The following SLCO1B1 variants were observed in gnomAD, a reference collection of about 807,000 sequenced individuals.
SLCO1B1 encodes solute carrier organic anion transporter family member 1B1.
A neutral mutation model predicts 70.1 loss-of-function variants in SLCO1B1; 81 were observed. That is an observed-to-expected ratio of 1.16 (90% CI 0.97 to 1.39). The LOEUF is 1.39. SLCO1B1 is among the 40% of genes most tolerant of loss of function. SLCO1B1 has a pLI of 0.00. For missense variants in SLCO1B1, 895 were observed against 799.6 expected (o/e 1.12, Z -1.44); for synonymous variants, 283 against 271.5 (o/e 1.04, Z -0.42).
chr12:21,208,951 A>G (rs1941245719), intron 11 of SLCO1B1, among the ~76,000 whole-genome samples: 1 of 151,976 alleles, frequency 6.6e-6, no homozygotes, highest in Admixed American at 6.6e-5. Flanking sequence ...TAGAAATGCT[A>G]CTAATTTTTT....
chr12:21,174,716 GTTAA>G lies in SLCO1B1; in HGVS notation c.359+8_359+11del, dbSNP rs1940798358. On this transcript the variant is annotated splice_region_variant and intron_variant, in intron 4 of 14. Coordinates refer to ENST00000256958, the MANE Select transcript of SLCO1B1 (RefSeq NM_006446.5). ...CACATTTCTTCATGGGATAGTAAGT[GTTAA>G]AAAAAAAAAAAACCTCTGTGCCACT... 4.1e-6 allele frequency: 6 copies of G among 1,467,616 alleles called. No homozygotes were observed. In the Middle Eastern group the frequency reaches 7.4e-4, roughly 182 times the overall value. 90.9% of individuals were successfully genotyped at this position (1,467,616 alleles called of 1,614,324 possible). A position where few individuals can be genotyped will look rare whatever the true frequency, so the allele number is the denominator to read the frequency against.
chr12:21,224,898 AT>A, intron 14 of SLCO1B1, 59 bp downstream of exon 14: 3 of 864,154 alleles, frequency 3.5e-6, no homozygotes, highest in Non-Finnish European at 5.5e-6. Context: ...TTCCTAAAAA[AT>A]ATCATTTTCA....
intron 11 of SLCO1B1, among the ~76,000 whole-genome samples, chr12:21,206,399 G>A (rs969193780): frequency 4.6e-5 from 7 of 151,754 alleles, no homozygotes; most frequent in Non-Finnish European, 8.8e-5. Flanking sequence ...TCAGAATTCA[G>A]GAAAATGAGT....
intron 8 of SLCO1B1, 147 bp downstream of exon 8, chr12:21,197,335 T>G: frequency 1.2e-6 from 1 of 824,554 alleles, no homozygotes; most frequent in Non-Finnish European, 1.9e-6. Context: ...TTTCTAAAAC[T>G]CCTATTAAAG....
At chr12:21,193,302 G>T (rs1369268660) in intron 7 of SLCO1B1, among the ~76,000 whole-genome samples, 3 of 152,090 alleles carry the variant, frequency 2.0e-5, no homozygotes, top group Non-Finnish European at 2.9e-5. Flanking sequence ...ATATTATGAA[G>T]TCAGCCTACT....
intron 2 of SLCO1B1, among the ~76,000 whole-genome samples, chr12:21,171,365 A>G (rs1398327100): frequency 6.6e-6 from 1 of 152,214 alleles, no homozygotes; most frequent in Non-Finnish European, 1.5e-5. Flanking sequence ...TAGAAAGATA[A>G]AGAGGAATAT....
chr12:21,204,596 G>T (rs1351335447), intron 10 of SLCO1B1, among the ~76,000 whole-genome samples: 1 of 151,706 alleles, frequency 6.6e-6, no homozygotes, highest in African/African-American at 2.4e-5. Context: ...AGAAAGAAGT[G>T]CCAGAATTAA....
Position 21,238,969 on chromosome 12 carries a change from A to G in SLCO1B1, c.1866-10A>G, listed in dbSNP as rs371302553. 1.9e-4 allele frequency: 281 copies of G among 1,494,410 alleles called. 1 individual carries two copies. In the Middle Eastern group the frequency reaches 3.0e-3, roughly 16 times the overall value. The allele number at this position is 1,494,410 out of a possible 1,614,324, so 92.6% of individuals were successfully genotyped here. On this transcript the variant is annotated splice_polypyrimidine_tract_variant and intron_variant, in intron 14 of 14. Coordinates refer to ENST00000256958, the MANE Select transcript of SLCO1B1 (RefSeq NM_006446.5). ...ACTGATTTATTGTTTTATTTTCTCT[A>G]TTTCTACAGAAGGGTCTACTTGGGC...
chr12:21,156,686 C>T (rs1940548378), intron 2 of SLCO1B1, among the ~76,000 whole-genome samples: 2 of 152,050 alleles, frequency 1.3e-5, no homozygotes, highest in African/African-American at 2.4e-5. Context: ...TTTAAAAAAG[C>T]ATAATACTGA....
At chr12:21,168,397 A>T (rs1195369987) in intron 2 of SLCO1B1, among the ~76,000 whole-genome samples, 2 of 152,168 alleles carry the variant, frequency 1.3e-5, no homozygotes, top group African/African-American at 4.8e-5. Flanking sequence ...CCTGTTTTGA[A>T]TTACTTTGAC....
chr12:21,229,914 TGA>T (rs1345069427), intron 14 of SLCO1B1, among the ~76,000 whole-genome samples: 3 of 152,180 alleles, frequency 2.0e-5, no homozygotes, highest in African/African-American at 4.8e-5. Flanking sequence ...AAAACAGTGG[TGA>T]GAGGGGACGT....
At chr12:21,219,838 GC>G (rs1482215726) in intron 12 of SLCO1B1, among the ~76,000 whole-genome samples, 1 of 114,596 alleles carries the variant, frequency 8.7e-6, no homozygotes, top group African/African-American at 3.3e-5. Context: ...TTGGATTGCT[GC>G]AACCCTCCGC....
At chr12:21,225,056 G>T (rs1026484979) in intron 14 of SLCO1B1, among the ~76,000 whole-genome samples, 3 of 151,962 alleles carry the variant, frequency 2.0e-5, no homozygotes, top group Admixed American at 6.6e-5. Context: ...TATATACGAA[G>T]AAACTGTGAT....
At chr12:21,211,408 A>G (rs997901715) in intron 11 of SLCO1B1, among the ~76,000 whole-genome samples, 6 of 152,270 alleles carry the variant, frequency 3.9e-5, no homozygotes, top group African/African-American at 1.4e-4. Context: ...CCAGGGATGA[A>G]GCCCACTTGA....
intron 2 of SLCO1B1, among the ~76,000 whole-genome samples, chr12:21,170,987 A>C (rs953533103): frequency 6.6e-6 from 1 of 152,216 alleles, no homozygotes; most frequent in Non-Finnish European, 1.5e-5. Context: ...CACTGTCCTA[A>C]TCACTGGGGA....
chr12:21,161,909 G>A (rs981709425), intron 2 of SLCO1B1, among the ~76,000 whole-genome samples: 3 of 152,000 alleles, frequency 2.0e-5, no homozygotes, highest in African/African-American at 4.8e-5. Context: ...TCAGGAGGCC[G>A]AGGCAGGAAA....
At chr12:21,137,215 A>G (rs1304375147) in intron 1 of SLCO1B1, among the ~76,000 whole-genome samples, 1 of 151,868 alleles carries the variant, frequency 6.6e-6, no homozygotes, top group Non-Finnish European at 1.5e-5. Context: ...GGAGTACCCG[A>G]CCGTGTGAGG....
chr12:21,146,923 T>C (rs1477720885), intron 2 of SLCO1B1, among the ~76,000 whole-genome samples: 1 of 152,166 alleles, frequency 6.6e-6, no homozygotes, highest in Non-Finnish European at 1.5e-5. Flanking sequence ...AACATATAGA[T>C]GTTTATTATA....
intron 11 of SLCO1B1, among the ~76,000 whole-genome samples, chr12:21,212,436 T>C (rs1941299115): frequency 7.1e-6 from 1 of 140,236 alleles, no homozygotes; most frequent in African/African-American, 2.7e-5. Context: ...AGATAGTTTG[T>C]TATAATTTCT....
Sources: gnomAD v4.1 joint callset for allele counts (sites outside exome capture counted in the v4.1 genomes callset) on GRCh38, gnomAD v4.1.1 for gene constraint, MANE v1.5 for transcripts, NCBI Gene and HGNC (gene_info 2026-07-23, HGNC 2026-07-21) for gene names.